The following RGS5 variants were observed in gnomAD, a reference collection of about 807,000 sequenced individuals.
RGS5 encodes regulator of G-protein signalling 5.
A neutral mutation model predicts 18.9 loss-of-function variants in RGS5; 20 were observed. That is an observed-to-expected ratio of 1.06 (90% CI 0.74 to 1.54). The LOEUF (loss-of-function observed/expected upper bound fraction) is 1.54. Ranked by LOEUF, RGS5 falls within the 40% of genes most tolerant of loss-of-function variation. The pLI, the probability that RGS5 is intolerant of heterozygous loss-of-function variation, is 0.00. For synonymous variants in RGS5, 57 were observed against 76.2 expected, an observed-to-expected ratio of 0.75 and a Z score of 1.31; for missense variants, 201 against 211.8, an observed-to-expected ratio of 0.95 and a Z score of 0.32.
chr1:163,263,281 C>A (rs1372155978), intron 2 of RGS5, among the ~76,000 whole-genome samples: 2 of 152,168 alleles, frequency 1.3e-5, no homozygotes, highest in African/African-American at 4.8e-5. Flanking sequence ...TTTCCTGAGT[C>A]TTCCAAATAT....
chr1:163,175,260 C>A (rs1361379986), intron 1 of RGS5, among the ~76,000 whole-genome samples: 1 of 152,112 alleles, frequency 6.6e-6, no homozygotes, highest in Admixed American at 6.5e-5. Flanking sequence ...GAGAACTAAT[C>A]TGAGAGGTAG....
chr1:163,277,913 G>C (rs1205565159), intron 2 of RGS5, among the ~76,000 whole-genome samples: 1 of 151,970 alleles, frequency 6.6e-6, no homozygotes, highest in Non-Finnish European at 1.5e-5. Context: ...CAATAGACTA[G>C]ATCAAGCAAT....
intron 2 of RGS5, among the ~76,000 whole-genome samples, chr1:163,166,239 A>C (rs181620360): frequency 7.3e-6 from 1 of 136,278 alleles, no homozygotes; most frequent in East Asian, 2.3e-4. Flanking sequence ...AGCTGTCTTT[A>C]GGGGGTAGGA....
At position 163,146,200 on chromosome 1, in the gene RGS5, A is replaced by C. The variant is rs1164313133; in HGVS notation, c.*1142T>G. ...GTAAGTAAAATTTGCTAATGCAGGAAGCGAAATAGTGAAGGAATACTGGGG... is the reference window on the plus strand; with the variant it reads ...GTAAGTAAAATTTGCTAATGCAGGACGCGAAATAGTGAAGGAATACTGGGG... On this transcript the variant is annotated 3_prime_UTR_variant, in exon 5 of 5. Transcript: ENST00000313961. The C allele has an allele frequency of 1.3e-5, 2 of 152,058 alleles. No individual in the cohort carries two copies. The highest frequency in any genetic ancestry group is 4.8e-5 in the African/African-American group (2 of 41,406). The allele number at this position is 152,058 out of a possible 1,614,324, so 9.4% of individuals were successfully genotyped here.
At chr1:163,206,121 T>C (rs919636905), upstream of RGS5, among the ~76,000 whole-genome samples, 8 of 152,118 alleles carry the variant, frequency 5.3e-5, no homozygotes, top group Admixed American at 5.2e-4. Context: ...TGTCAATAGG[T>C]TGTGATATTG....
intron 1 of RGS5, chr1:163,319,101 T>C (rs1650110400): frequency 6.6e-6 from 1 of 152,124 alleles, no homozygotes; most frequent in East Asian, 1.9e-4. Flanking sequence ...TCTGTTAAAG[T>C]AGAAATAACA....
chr1:163,158,057 G>A (rs186895704), intron 3 of RGS5, among the ~76,000 whole-genome samples: 7 of 152,296 alleles, frequency 4.6e-5, no homozygotes, highest in Non-Finnish European at 8.8e-5. Context: ...CACAGCTAAT[G>A]TTGGGTAATT....
chr1:163,231,731 T>C (rs1647485776), intron 2 of RGS5, among the ~76,000 whole-genome samples: 1 of 135,258 alleles, frequency 7.4e-6, no homozygotes. Flanking sequence ...TCTGGTGTCC[T>C]GGGAAGAAAC....
intron 1 of RGS5, among the ~76,000 whole-genome samples, chr1:163,312,894 C>T (rs986784153): frequency 1.2e-4 from 18 of 152,348 alleles, no homozygotes; most frequent in African/African-American, 4.1e-4. Context: ...GTAATCCACA[C>T]AAAACCTCTG....
At chr1:163,209,476 T>C (rs1271514574) in intron 1 of RGS5, among the ~76,000 whole-genome samples, 2 of 152,164 alleles carry the variant, frequency 1.3e-5, no homozygotes, top group Admixed American at 1.3e-4. Context: ...AGAACTGACA[T>C]CTTTATAGCA....
intron 3 of RGS5, among the ~76,000 whole-genome samples, chr1:163,155,646 T>C (rs1657550891): frequency 6.6e-6 from 1 of 152,132 alleles, no homozygotes; most frequent in Admixed American, 6.5e-5. Flanking sequence ...GGACAACCTA[T>C]TGGGTCAGAG....
At chr1:163,180,884 C>A (rs1261684641) in intron 1 of RGS5, among the ~76,000 whole-genome samples, 2 of 151,634 alleles carry the variant, frequency 1.3e-5, no homozygotes, top group Admixed American at 6.6e-5. Flanking sequence ...TTAGTAGAGA[C>A]GGGGTTACAC....
At chr1:163,148,063 G>A (rs1373585553) in intron 4 of RGS5, among the ~76,000 whole-genome samples, 1 of 151,552 alleles carries the variant, frequency 6.6e-6, no homozygotes, top group African/African-American at 2.4e-5. Context: ...AACTAGCTGG[G>A]TTACAGGCAT....
intron 1 of RGS5, among the ~76,000 whole-genome samples, chr1:163,320,393 C>T (rs1186497514): frequency 6.6e-6 from 1 of 152,122 alleles, no homozygotes; most frequent in Admixed American, 6.5e-5. Context: ...GAACTGTCAC[C>T]CTATTTTAAA....
chr1:163,152,668 T>C lies in RGS5; in HGVS notation c.266A>G (p.Glu89Gly). ...KSFLKSEFSE[E>G]NLEFWIACED... ...ACAGGCAATCCAGAACTCAAGGTTT[T>C]CCTCACTGAATTCAGACTTCAGGAA... The change falls in exon 4 of 5, where the codon GAA becomes GGA. Residue 89 changes from glutamate (E) to glycine (G), a missense_variant. Transcript: ENST00000313961. 6.2e-7 allele frequency: 1 copy of C among 1,611,064 alleles called. No homozygotes were observed. The highest frequency in any genetic ancestry group is 8.5e-7 in the Non-Finnish European group (1 of 1,178,574).
At chr1:163,273,683 T>C (rs992023) in intron 2 of RGS5, among the ~76,000 whole-genome samples, 10,475 of 152,210 alleles carry the variant, frequency 0.069, 528 homozygotes, top group East Asian at 0.18. Flanking sequence ...TCAGAGACAG[T>C]TTATATGAAC....
chr1:163,318,868 G>C (rs1189943384), intron 1 of RGS5: 2 of 152,182 alleles, frequency 1.3e-5, no homozygotes, highest in Non-Finnish European at 2.9e-5. Flanking sequence ...GTGGATATAT[G>C]TGGCATTGAC....
chr1:163,153,638 A>G (rs1265394385), intron 3 of RGS5, among the ~76,000 whole-genome samples: 1 of 151,350 alleles, frequency 6.6e-6, no homozygotes, highest in Non-Finnish European at 1.5e-5. Context: ...TCTATATATA[A>G]TATGTAGATA....
chr1:163,304,226 T>C (rs1375042023), intron 2 of RGS5: 1 of 152,174 alleles, frequency 6.6e-6, no homozygotes, highest in Non-Finnish European at 1.5e-5. Flanking sequence ...TAGGTCAGAA[T>C]TTTTATTTCC....
Sources: allele counts gnomAD v4.1 joint callset (sites outside exome capture counted in the v4.1 genomes callset), GRCh38; gene constraint gnomAD v4.1.1; transcripts MANE v1.5; gene names NCBI Gene and HGNC (gene_info 2026-07-23, HGNC 2026-07-21).